SNX29: variants seen among roughly 807,000 people sequenced by gnomAD.
SNX29 encodes the protein sorting nexin 29, also known as sorting nexin-29.
In SNX29, 78 loss-of-function variants were observed where a neutral mutation model predicts 102.1. That is an observed-to-expected ratio of 0.76 (90% CI 0.64 to 0.92). The LOEUF (loss-of-function observed/expected upper bound fraction) is 0.92, where lower values mean the gene tolerates loss of function less well. SNX29 is among the 40% of genes least tolerant of loss of function. The pLI, the probability that SNX29 is intolerant of heterozygous loss-of-function variation, is 0.00. For synonymous variants in SNX29, 580 were observed against 414.5 expected (o/e 1.40, Z -4.85); for missense variants, 1,280 against 1,061.7 (o/e 1.21, Z -2.86).
intron 14 of SNX29, among the ~76,000 whole-genome samples, chr16:12,235,677 T>TA (rs1365648400): frequency 6.6e-5 from 10 of 151,936 alleles, no homozygotes; most frequent in Middle Eastern, 3.4e-3. Flanking sequence ...AACCTCTGGG[T>TA]AAAAAAAAGA....
At chr16:12,050,293 C>A (rs539381990) in intron 7 of SNX29, among the ~76,000 whole-genome samples, 1 of 152,348 alleles carries the variant, frequency 6.6e-6, no homozygotes, top group Non-Finnish European at 1.5e-5. Flanking sequence ...AAGTGTCTTA[C>A]ATCCAAGTGT....
At chr16:12,018,354 G>A (rs963762837) in intron 3 of SNX29, among the ~76,000 whole-genome samples, 8 of 151,718 alleles carry the variant, frequency 5.3e-5, no homozygotes, top group Admixed American at 3.3e-4. Flanking sequence ...AAGGCAGGTG[G>A]ATCACGAGGT....
chr16:12,116,251 C>T (rs1315704429), intron 11 of SNX29, among the ~76,000 whole-genome samples: 1 of 152,266 alleles, frequency 6.6e-6, no homozygotes, highest in East Asian at 1.9e-4. Context: ...TAACTATGCA[C>T]AAAGGTTGAT....
At chr16:12,193,788 C>G (rs2076703689) in intron 13 of SNX29, among the ~76,000 whole-genome samples, 1 of 152,164 alleles carries the variant, frequency 6.6e-6, no homozygotes, top group African/African-American at 2.4e-5. Context: ...ACCTTCGTCA[C>G]ATTGCTTGAT....
chr16:12,514,321 C>G (rs534354707), intron 19 of SNX29, among the ~76,000 whole-genome samples: 3 of 152,258 alleles, frequency 2.0e-5, no homozygotes, highest in East Asian at 3.9e-4. Flanking sequence ...CCTAGCTCCC[C>G]CTACCTCAGG....
chr16:12,149,948 G>A (rs1235305891), intron 13 of SNX29, among the ~76,000 whole-genome samples: 1 of 152,168 alleles, frequency 6.6e-6, no homozygotes, highest in Non-Finnish European at 1.5e-5. Flanking sequence ...AAGATGCTGT[G>A]TCAAGGAAGC....
chr16:12,254,597 C>T (rs190485771), intron 14 of SNX29, among the ~76,000 whole-genome samples: 20 of 151,662 alleles, frequency 1.3e-4, no homozygotes, highest in African/African-American at 3.4e-4. Flanking sequence ...GCTGAGATTG[C>T]GCCACTGTAT....
Position 12,572,468 on chromosome 16 carries a change from C to G in SNX29, c.*3839C>G, listed in dbSNP as rs1031456241. 2 of 1,063,788 alleles carry G rather than the reference C, an allele frequency of 1.9e-6. No individual in the cohort carries two copies. Among genetic ancestry groups the G allele is most frequent in the Non-Finnish European group, 2.3e-6 (2 of 878,308 alleles). 65.9% of individuals were successfully genotyped at this position (1,063,788 alleles called of 1,614,324 possible). A position where few individuals can be genotyped will look rare whatever the true frequency, so the allele number is the denominator to read the frequency against. ...TTCTGCATGGTACATTTTGCCAACCCTGAGGACCAGTTCTTGGGGTTCCAG... is the reference window on the plus strand; with the variant it reads ...TTCTGCATGGTACATTTTGCCAACCGTGAGGACCAGTTCTTGGGGTTCCAG... On this transcript the variant is annotated 3_prime_UTR_variant, in exon 21 of 21. Coordinates refer to ENST00000566228, the MANE Select transcript of SNX29 (RefSeq NM_032167.5).
chr16:12,353,047 C>G (rs1023255167), intron 15 of SNX29, among the ~76,000 whole-genome samples: 1 of 152,122 alleles, frequency 6.6e-6, no homozygotes, highest in Non-Finnish European at 1.5e-5. Flanking sequence ...AGGTGACTCC[C>G]GAATGTTAAC....
intron 14 of SNX29, among the ~76,000 whole-genome samples, chr16:12,217,345 CTTGT>C (rs950975938): frequency 2.0e-5 from 3 of 152,320 alleles, no homozygotes; most frequent in Admixed American, 2.0e-4. Context: ...TTCTGCCACA[CTTGT>C]TTGTTAGCAG....
chr16:12,461,970 AAAAAAAAAATATATATATATATATATAT>A (rs2086796136), intron 18 of SNX29, among the ~76,000 whole-genome samples: 1 of 68,456 alleles, frequency 1.5e-5, no homozygotes, highest in African/African-American at 7.4e-5. Flanking sequence ...AAAAAAAAAA[AAAAAAAAAATATATATATATATATATAT>A]ATATATATAT....
intron 13 of SNX29, among the ~76,000 whole-genome samples, chr16:12,156,176 AT>A (rs1265380450): frequency 2.6e-5 from 4 of 151,560 alleles, no homozygotes; most frequent in Non-Finnish European, 5.9e-5. Context: ...TTTCTAATCT[AT>A]TTTATTTTAT....
At chr16:12,432,641 G>T (rs1346870912) in intron 18 of SNX29, among the ~76,000 whole-genome samples, 2 of 152,250 alleles carry the variant, frequency 1.3e-5, no homozygotes, top group East Asian at 3.8e-4. Flanking sequence ...AGGCCCAGGG[G>T]CAGACCCTGC....
intron 20 of SNX29, among the ~76,000 whole-genome samples, chr16:12,537,925 C>T (rs1337895915): frequency 1.3e-5 from 2 of 148,728 alleles, no homozygotes; most frequent in African/African-American, 5.0e-5. Context: ...GCAGAGGTTG[C>T]AGTGAGCTGA....
chr16:12,334,851 T>C (rs2081399153), intron 15 of SNX29, among the ~76,000 whole-genome samples: 1 of 150,430 alleles, frequency 6.6e-6, no homozygotes, highest in Non-Finnish European at 1.5e-5. Flanking sequence ...GCCTGGTCCC[T>C]ATAGGCATTT....
intron 13 of SNX29, among the ~76,000 whole-genome samples, chr16:12,147,597 C>T (rs966227472): frequency 6.6e-6 from 1 of 152,190 alleles, no homozygotes; most frequent in Non-Finnish European, 1.5e-5. Flanking sequence ...GTTTGAGTTA[C>T]TTCCGAGAAA....
intron 15 of SNX29, among the ~76,000 whole-genome samples, chr16:12,315,550 C>T (rs925689029): frequency 6.6e-6 from 1 of 152,074 alleles, no homozygotes; most frequent in African/African-American, 2.4e-5. Flanking sequence ...TAAGATAAAA[C>T]GTCATTAGGG....
intron 8 of SNX29, among the ~76,000 whole-genome samples, chr16:12,053,509 A>G (rs1596708501): frequency 6.6e-6 from 1 of 152,114 alleles, no homozygotes; most frequent in Non-Finnish European, 1.5e-5. Context: ...AGCCTGGGCA[A>G]CACAGCAAGA....
At chr16:12,067,676 C>T (rs1295208398) in intron 9 of SNX29, among the ~76,000 whole-genome samples, 2 of 152,038 alleles carry the variant, frequency 1.3e-5, no homozygotes, top group Non-Finnish European at 1.5e-5. Context: ...TTAGTAGAGA[C>T]GGGGTTTTGC....
Sources: gnomAD v4.1 joint callset for allele counts (sites outside exome capture counted in the v4.1 genomes callset) on GRCh38, gnomAD v4.1.1 for gene constraint, MANE v1.5 for transcripts, NCBI Gene and HGNC (gene_info 2026-07-23, HGNC 2026-07-21) for gene names.